YY1: variants seen among roughly 807,000 people sequenced by gnomAD.
YY1 encodes the protein transcriptional repressor protein YY1.
A neutral mutation model predicts 35.6 loss-of-function variants in YY1; 2 were observed. The ratio of observed to expected loss-of-function variants is 0.06; its 90% CI spans 0.02 to 0.18. The LOEUF is 0.18. Ranked by LOEUF, YY1 falls within the 10% of genes least tolerant of loss-of-function variation. YY1 has a pLI of 1.00. For missense variants in YY1, 322 were observed against 573.4 expected, an observed-to-expected ratio of 0.56 and a Z score of 4.48; for synonymous variants, 268 against 238.9, an observed-to-expected ratio of 1.12 and a Z score of -1.12.
intron 1 of YY1, among the ~76,000 whole-genome samples, chr14:100,251,581 T>A (rs375579251): frequency 6.6e-6 from 1 of 152,246 alleles, no homozygotes; most frequent in Admixed American, 6.5e-5. Flanking sequence ...GTCCCTGTTA[T>A]GTGCAAGGCA....
In YY1 at chr14:100,239,172, G is replaced by GCCGCCTCCTCGCCCGCCCGC; in HGVS notation, c.-68_-49dup. ...CCTCTGCCTTCCTTCCCCACGGCCG[G>GCCGCCTCCTCGCCCGCCCGC]CCGCCTCCTCGCCCGCCCGCCCGCA... On this transcript the variant is annotated 5_prime_UTR_variant, in exon 1 of 5. Transcript: ENST00000262238. 7.7e-7 allele frequency: 1 copy of GCCGCCTCCTCGCCCGCCCGC among 1,297,234 alleles called. No homozygotes were observed. The highest frequency in any genetic ancestry group is 9.7e-7 in the Non-Finnish European group (1 of 1,029,438). 80.4% of individuals were successfully genotyped at this position (1,297,234 alleles called of 1,614,324 possible).
chr14:100,251,089 CCCAATATAG>C (rs1890918147), intron 1 of YY1, among the ~76,000 whole-genome samples: 1 of 152,144 alleles, frequency 6.6e-6, no homozygotes, highest in Non-Finnish European at 1.5e-5. Context: ...AATAATGACT[CCCAATATAG>C]CCAGATCCTA....
chr14:100,263,951 A>C (rs184043020), intron 2 of YY1: 116 of 152,284 alleles, frequency 7.6e-4, no homozygotes, highest in African/African-American at 2.8e-3. Context: ...TACAGCCTCA[A>C]GCAATCCTCC....
chr14:100,270,978 G>A (rs1019934135), intron 2 of YY1, among the ~76,000 whole-genome samples: 2 of 152,166 alleles, frequency 1.3e-5, no homozygotes, highest in Non-Finnish European at 2.9e-5. Context: ...GGGCGCGGTG[G>A]CTCACGCCTG....
intron 1 of YY1, among the ~76,000 whole-genome samples, chr14:100,260,952 G>T (rs536567258): frequency 6.8e-4 from 103 of 151,262 alleles, no homozygotes; most frequent in Non-Finnish European, 9.6e-4. Flanking sequence ...TGCACCCCAT[G>T]CCTGGCTAAT....
At chr14:100,241,134 A>C (rs1890733987) in intron 1 of YY1, among the ~76,000 whole-genome samples, 1 of 152,212 alleles carries the variant, frequency 6.6e-6, no homozygotes, top group Admixed American at 6.5e-5. Context: ...TAGTATATTC[A>C]TATGCTACCT....
intron 1 of YY1, among the ~76,000 whole-genome samples, chr14:100,242,160 C>T (rs1336385288): frequency 6.6e-6 from 1 of 151,940 alleles, no homozygotes; most frequent in African/African-American, 2.4e-5. Flanking sequence ...TTTAGAAAAC[C>T]GACATATTTT....
At chr14:100,261,831 GA>G (rs1891090063) in intron 1 of YY1, among the ~76,000 whole-genome samples, 1 of 152,164 alleles carries the variant, frequency 6.6e-6, no homozygotes, top group South Asian at 2.1e-4. Flanking sequence ...TAGTTGCCAG[GA>G]AATGTGTGTG....
chr14:100,267,527 G>A (rs1290187901), intron 2 of YY1, among the ~76,000 whole-genome samples: 2 of 101,902 alleles, frequency 2.0e-5, no homozygotes, highest in Non-Finnish European at 3.8e-5. Context: ...ATTCTACATA[G>A]TAGCTTTTTT....
chr14:100,272,954 G>GGTGT (rs1891264429), intron 2 of YY1, among the ~76,000 whole-genome samples: 1 of 141,202 alleles, frequency 7.1e-6, no homozygotes. Flanking sequence ...GTTTTTTGTT[G>GGTGT]TTTTTTTTTT....
chr14:100,266,638 A>G (rs1430539869), intron 2 of YY1, among the ~76,000 whole-genome samples: 2 of 152,164 alleles, frequency 1.3e-5, no homozygotes, highest in African/African-American at 2.4e-5. Flanking sequence ...CCCGGGTACC[A>G]GATAGCCATC....
At chr14:100,268,454 C>A (rs1180410408) in intron 2 of YY1, among the ~76,000 whole-genome samples, 1 of 152,150 alleles carries the variant, frequency 6.6e-6, no homozygotes, top group African/African-American at 2.4e-5. Context: ...TGTAAAGTGA[C>A]CACCTTTGTA....
At chr14:100,251,192 T>C (rs1034169602) in intron 1 of YY1, among the ~76,000 whole-genome samples, 5 of 152,178 alleles carry the variant, frequency 3.3e-5, no homozygotes, top group Admixed American at 2.6e-4. Context: ...TCCTGGTTTA[T>C]CCAGGTGGGT....
In YY1 at chr14:100,239,762, A is replaced by G. The variant is rs780154054; in HGVS notation, c.518A>G (p.Lys173Arg). The change falls in exon 1 of 5, where the codon AAG (lysine) becomes AGG (arginine). Residue 173 changes from lysine (K) to arginine (R), a missense_variant. Physicochemically the swap from Lys to Arg is conservative, Grantham distance 26. This residue lies in a region of YY1 where 152 missense variants were observed against 167.1 expected (regional missense o/e 0.91). Coordinates refer to ENST00000262238, the MANE Select transcript of YY1 (RefSeq NM_003403.5). ...GSSSSGGGRV[K>R]KGGGKKSGKK... is the part of the protein sequence containing the mutation. ...TCGTCGTCGGGAGGCGGCCGCGTCA[A>G]GAAGGGCGGCGGCAAGAAGAGCGGC... 8 of 1,578,102 alleles carry G rather than the reference A, an allele frequency of 5.1e-6. No individual in the cohort carries two copies. In the Admixed American group the frequency reaches 6.9e-5, roughly 14 times the overall value.
Position 100,277,265 on chromosome 14 carries a change from ATTC to A in YY1, c.1063-151_1063-149del. On this transcript the variant is annotated intron_variant, in intron 4 of 4. Transcript: ENST00000262238. The surrounding 1 kb of genome is among the most constrained non-coding windows in gnomAD (Gnocchi z 5.6). Reference sequence around the variant, plus strand: ...TCGGGGTTGTCCAACCTGCCTGCTGATTCTAGACTATATCCACAAAGTTCACCC... The same window carrying A: ...TCGGGGTTGTCCAACCTGCCTGCTGATAGACTATATCCACAAAGTTCACCC... 1.0e-6 allele frequency: 1 copy of A among 986,152 alleles called. No homozygotes were observed. The highest frequency in any genetic ancestry group is 1.4e-5 in the South Asian group (1 of 72,576). The allele number at this position is 986,152 out of a possible 1,614,324, so 61.1% of individuals were successfully genotyped here.
At chr14:100,248,702 T>TTTTTA (rs1270098049) in intron 1 of YY1, among the ~76,000 whole-genome samples, 3 of 143,128 alleles carry the variant, frequency 2.1e-5, no homozygotes, top group African/African-American at 7.8e-5. Flanking sequence ...TTTTTTTTTT[T>TTTTTA]ATTGAAACGG....
intron 3 of YY1, among the ~76,000 whole-genome samples, chr14:100,274,991 C>G (rs1891298739): frequency 6.6e-6 from 1 of 152,104 alleles, no homozygotes; most frequent in South Asian, 2.1e-4. Context: ...TGTGTTGACT[C>G]TACTGTTAGC....
intron 2 of YY1, among the ~76,000 whole-genome samples, chr14:100,272,362 G>A (rs1333722148): frequency 1.3e-5 from 2 of 151,726 alleles, no homozygotes; most frequent in South Asian, 2.1e-4. Context: ...TAACAAATAT[G>A]TATAGTATCG....
At position 100,277,165 on chromosome 14, in the gene YY1, C is replaced by G. The variant is rs1383783805; in HGVS notation, c.1063-253C>G. The G allele has an allele frequency of 3.5e-6, 2 of 573,490 alleles. No homozygotes were observed. Among genetic ancestry groups the G allele is most frequent in the Admixed American group, 5.9e-5 (2 of 33,646 alleles). 35.5% of individuals were successfully genotyped at this position (573,490 alleles called of 1,614,324 possible). On this transcript the variant is annotated intron_variant, in intron 4 of 4. Transcript: ENST00000262238. The surrounding 1 kb of genome is among the most constrained non-coding windows in gnomAD (Gnocchi z 5.6). ...GGAAATGTTTACAGCAGCACTAGGA[C>G]TCTAGCCTGCATTTAGGAAGACTTG...
Sources: allele counts gnomAD v4.1 joint callset (sites outside exome capture counted in the v4.1 genomes callset), GRCh38; gene constraint gnomAD v4.1.1; regional missense constraint gnomAD v4.1.1; non-coding constraint Gnocchi (gnomAD v3.1); transcripts MANE v1.5; gene names NCBI Gene and HGNC (gene_info 2026-07-23, HGNC 2026-07-21).